Variants in TAX1BP1 observed in about 807,000 individuals in gnomAD.
TAX1BP1 encodes tax1-binding protein 1.
Under a neutral mutation model 97.7 loss-of-function variants are expected in TAX1BP1, and 62 were observed. The ratio of observed to expected loss-of-function variants is 0.63; its 90% CI spans 0.52 to 0.78. TAX1BP1 has a LOEUF of 0.78. Among genes scored for constraint, TAX1BP1 ranks in the 30% least tolerant of loss-of-function variants. The pLI, the probability that TAX1BP1 is intolerant of heterozygous loss-of-function variation, is 0.00. For missense variants in TAX1BP1, 867 were observed against 916.1 expected (o/e 0.95, Z 0.69); for synonymous variants, 340 against 304.2 (o/e 1.12, Z -1.23).
chr7:27,766,625 A>C (rs1788656293), intron 4 of TAX1BP1, among the ~76,000 whole-genome samples: 1 of 152,058 alleles, frequency 6.6e-6, no homozygotes, highest in African/African-American at 2.4e-5. Context: ...AGTAAGTACC[A>C]ATTGGGAGAG....
At chr7:27,807,363 G>A (rs1304047101) in intron 13 of TAX1BP1, among the ~76,000 whole-genome samples, 2 of 151,984 alleles carry the variant, frequency 1.3e-5, no homozygotes, top group African/African-American at 4.8e-5. Flanking sequence ...TTTCCTCCCT[G>A]ATCTAGGATC....
At chr7:27,814,105 TTTTTC>T (rs1481225370) in intron 13 of TAX1BP1, among the ~76,000 whole-genome samples, 4 of 151,436 alleles carry the variant, frequency 2.6e-5, no homozygotes, top group African/African-American at 9.7e-5. Context: ...CTTTTTTTTT[TTTTTC>T]TTTTTTTTGA....
rs147306369 is a variant in TAX1BP1 at position 27,793,969 on chromosome 7, G to T, written c.1411-354G>T. On this transcript the variant is annotated intron_variant, in intron 10 of 16. Coordinates refer to ENST00000396319, the MANE Select transcript of TAX1BP1 (RefSeq NM_006024.7). ...TGTAGTAAAGTAGGAAGGCTTTTGT[G>T]AAAAAATATGATACTTTAAGTATGA... Among the ~76,000 whole-genome samples, 1,249 of 152,288 alleles carry T rather than the reference G, an allele frequency of 8.2e-3. 14 individuals are homozygous for T. The highest frequency in any genetic ancestry group is 0.027 in the African/African-American group (1,131 of 41,566).
intron 5 of TAX1BP1, among the ~76,000 whole-genome samples, chr7:27,776,821 G>A (rs1318368305): frequency 6.9e-6 from 1 of 145,046 alleles, no homozygotes; most frequent in Non-Finnish European, 1.5e-5. Context: ...TTTCACTTGT[G>A]CTTTTTTTTT....
chr7:27,823,141 T>C (rs1791041553), intron 15 of TAX1BP1, among the ~76,000 whole-genome samples: 1 of 152,218 alleles, frequency 6.6e-6, no homozygotes, highest in Non-Finnish European at 1.5e-5. Flanking sequence ...TTCATTGATA[T>C]ATTACTAGAA....
intron 13 of TAX1BP1, among the ~76,000 whole-genome samples, chr7:27,801,904 T>TA (rs1171577870): frequency 1.3e-5 from 2 of 152,208 alleles, no homozygotes; most frequent in African/African-American, 4.8e-5. Flanking sequence ...TTAATTGCCT[T>TA]AGAGTTGTGT....
chr7:27,742,744 G>A (rs1562691830), intron 1 of TAX1BP1, among the ~76,000 whole-genome samples: 1 of 152,176 alleles, frequency 6.6e-6, no homozygotes, highest in African/African-American at 2.4e-5. Context: ...GGGATTACAG[G>A]TGTGAGCCAC....
rs556988217 is a variant in TAX1BP1, at chr7:27,780,586, A to G, written c.613-4577A>G. Among the ~76,000 whole-genome samples, 62 of 152,322 alleles carry G rather than the reference A, an allele frequency of 4.1e-4. 2 individuals carry two copies. On this transcript the variant is annotated intron_variant, in intron 5 of 16. Transcript: ENST00000396319. ...TGGACAGAGGCAGTTTAAGGCATTT[A>G]GTATCTAATACATGGAATTGCCAAA...
At chr7:27,751,402 T>C (rs1158118533) in intron 2 of TAX1BP1, among the ~76,000 whole-genome samples, 1 of 152,140 alleles carries the variant, frequency 6.6e-6, no homozygotes, top group Non-Finnish European at 1.5e-5. Flanking sequence ...CAAATAATTA[T>C]ACACATGCAT....
intron 13 of TAX1BP1, among the ~76,000 whole-genome samples, chr7:27,800,456 C>A (rs139579416): frequency 1.7e-4 from 26 of 152,094 alleles, no homozygotes; most frequent in African/African-American, 6.3e-4. Flanking sequence ...GTGACCCACT[C>A]CTGTAATCCC....
Position 27,829,684 on chromosome 7 carries a change from T to C in TAX1BP1, c.*855T>C, listed in dbSNP as rs1230028148. 1 of 152,208 alleles carries C rather than the reference T, an allele frequency of 6.6e-6. No homozygotes were observed. Among genetic ancestry groups the C allele is most frequent in the Non-Finnish European group, 1.5e-5 (1 of 68,004 alleles). The allele number at this position is 152,208 out of a possible 1,614,324, so 9.4% of individuals were successfully genotyped here. On this transcript the variant is annotated 3_prime_UTR_variant, in exon 17 of 17. Coordinates refer to ENST00000396319, the MANE Select transcript of TAX1BP1 (RefSeq NM_006024.7). ...TACAATACATAAACCCAAATCAAAG[T>C]AATGTGTTTCTTCAGTTATGTCTGT... is the stretch of plus-strand genomic sequence containing the variant.
intron 1 of TAX1BP1, among the ~76,000 whole-genome samples, chr7:27,742,633 A>T (rs536090121): frequency 6.6e-6 from 1 of 152,122 alleles, no homozygotes; most frequent in African/African-American, 2.4e-5. Flanking sequence ...ATACCCGGCA[A>T]ATTTTTGTAT....
At chr7:27,826,196 G>A (rs1791172453) in intron 15 of TAX1BP1, among the ~76,000 whole-genome samples, 1 of 152,102 alleles carries the variant, frequency 6.6e-6, no homozygotes, top group South Asian at 2.1e-4. Context: ...TTAGTTACTT[G>A]ATTGAATTTT....
intron 13 of TAX1BP1, among the ~76,000 whole-genome samples, chr7:27,805,761 G>A (rs925845920): frequency 6.6e-6 from 1 of 152,050 alleles, no homozygotes; most frequent in Non-Finnish European, 1.5e-5. Context: ...GCTTGAACCC[G>A]GGAGGCAGAG....
intron 11 of TAX1BP1, among the ~76,000 whole-genome samples, chr7:27,795,800 C>G (rs1441031801): frequency 1.3e-5 from 2 of 152,200 alleles, no homozygotes; most frequent in Non-Finnish European, 2.9e-5. Flanking sequence ...CTCGACCCGC[C>G]TTGGCCTCCC....
At chr7:27,760,968 G>A (rs1788405183) in intron 3 of TAX1BP1, among the ~76,000 whole-genome samples, 1 of 152,210 alleles carries the variant, frequency 6.6e-6, no homozygotes, top group Non-Finnish European at 1.5e-5. Flanking sequence ...ATTCTGTTAT[G>A]TAGAAGTTTG....
upstream of TAX1BP1, chr7:27,739,439 C>G (rs546425993): frequency 2.0e-4 from 30 of 152,280 alleles, no homozygotes; most frequent in African/African-American, 6.7e-4. Flanking sequence ...ACGATTCAAA[C>G]TGAATGTCCA....
intron 5 of TAX1BP1, among the ~76,000 whole-genome samples, chr7:27,779,697 G>C (rs1023595144): frequency 1.3e-5 from 2 of 152,188 alleles, no homozygotes; most frequent in African/African-American, 2.4e-5. Context: ...TAAAGTTTTT[G>C]TTGTTCTTAA....
rs748771580 is a variant in TAX1BP1, at chr7:27,794,435, C to A, written c.1523C>A (p.Ser508Ter). 6.2e-7 allele frequency: 1 copy of A among 1,604,748 alleles called. No individual in the cohort carries two copies. The highest frequency in any genetic ancestry group is 1.1e-5 in the South Asian group (1 of 88,720). ...GCCTCTACTGTAGATGTAAAGCCAT[C>A]ACCTTCTGCAGGTAAAAATCTTTTA... ...TSASTVDVKP[S>*]PSAAEADFDI... Residue 508 changes from serine (S) to a stop codon, truncating the protein, a stop_gained, in exon 11 of 17, where the codon TCA (serine) becomes TAA (stop). Coordinates refer to ENST00000396319, the MANE Select transcript of TAX1BP1 (RefSeq NM_006024.7). LOFTEE classifies it high-confidence loss of function.
Sources: gnomAD v4.1 joint callset for allele counts (sites outside exome capture counted in the v4.1 genomes callset) on GRCh38, gnomAD v4.1.1 for gene constraint, MANE v1.5 for transcripts, NCBI Gene and HGNC (gene_info 2026-07-23, HGNC 2026-07-21) for gene names.